Variants in DPYS observed in about 807,000 individuals in gnomAD.
DPYS encodes dihydropyrimidine amidohydrolase.
A neutral mutation model predicts 50.3 loss-of-function variants in DPYS; 39 were observed. The observed-to-expected ratio is 0.78, with a 90% CI of 0.60 to 1.01. The LOEUF is 1.01. Among genes scored for constraint, DPYS ranks in the 50% least tolerant of loss-of-function variants. The pLI, the probability that DPYS is intolerant of heterozygous loss-of-function variation, is 0.00. For synonymous variants in DPYS, 245 were observed against 250.7 expected (o/e 0.98, Z 0.22); for missense variants, 659 against 680.9 (o/e 0.97, Z 0.36).
At chr8:104,408,168 A>G (rs1221515973) in intron 7 of DPYS, among the ~76,000 whole-genome samples, 1 of 152,268 alleles carries the variant, frequency 6.6e-6, no homozygotes, top group African/African-American at 2.4e-5. Flanking sequence ...TCTCTTTGTT[A>G]TAAATATGAT....
intron 3 of DPYS, among the ~76,000 whole-genome samples, chr8:104,445,913 C>T (rs557966043): frequency 5.9e-5 from 9 of 152,048 alleles, no homozygotes; most frequent in Non-Finnish European, 1.2e-4. Flanking sequence ...GGCGTGGTGG[C>T]GGGCACCTGT....
intron 1 of DPYS, among the ~76,000 whole-genome samples, chr8:104,464,625 A>C (rs992101519): frequency 1.1e-4 from 16 of 152,352 alleles, no homozygotes; most frequent in African/African-American, 2.9e-4. Context: ...CTATGACTGA[A>C]AACTGCAAGT....
chr8:104,399,396 T>C (rs1811713177), intron 7 of DPYS, among the ~76,000 whole-genome samples: 1 of 151,636 alleles, frequency 6.6e-6, no homozygotes, highest in Non-Finnish European at 1.5e-5. Context: ...CATAGGGTGC[T>C]GTGACACTGA....
chr8:104,428,269 A>C, intron 5 of DPYS, 148 bp from the exon 6 acceptor site: 1 of 1,036,552 alleles, frequency 9.6e-7, no homozygotes, highest in Non-Finnish European at 1.5e-6. Context: ...TCAAGAACAT[A>C]TTTCATCCCT....
At chr8:104,435,107 G>A (rs1813091365) in intron 4 of DPYS, among the ~76,000 whole-genome samples, 1 of 152,160 alleles carries the variant, frequency 6.6e-6, no homozygotes, top group African/African-American at 2.4e-5. Flanking sequence ...TTCCTAAAAA[G>A]CCATTAATGA....
At chr8:104,402,775 G>C (rs1011127647) in intron 7 of DPYS, among the ~76,000 whole-genome samples, 1 of 152,184 alleles carries the variant, frequency 6.6e-6, no homozygotes, top group African/African-American at 2.4e-5. Flanking sequence ...TTAAGAGACA[G>C]GACTAGCTGG....
intron 8 of DPYS, 28 bp from the exon 9 acceptor site, chr8:104,381,342 T>C (rs1811029623): frequency 1.9e-6 from 3 of 1,596,102 alleles, no homozygotes; most frequent in Admixed American, 1.7e-5. Flanking sequence ...ATTTCTCTCT[T>C]GTGGTTTATT....
chr8:104,430,003 C>T (rs1317456710), intron 4 of DPYS, among the ~76,000 whole-genome samples: 1 of 152,068 alleles, frequency 6.6e-6, no homozygotes, highest in African/African-American at 2.4e-5. Flanking sequence ...TTCTCCAAAA[C>T]CCTACCAGAT....
At chr8:104,465,189 T>C (rs1445026396) in intron 1 of DPYS, among the ~76,000 whole-genome samples, 5 of 150,040 alleles carry the variant, frequency 3.3e-5, no homozygotes, top group African/African-American at 1.2e-4. Context: ...AATCAGTATA[T>C]GAATGAAGTA....
At chr8:104,399,290 C>CAAAAAAAA (rs11323938) in intron 7 of DPYS, among the ~76,000 whole-genome samples, 2 of 74,888 alleles carry the variant, frequency 2.7e-5, no homozygotes, top group Non-Finnish European at 2.3e-5. Context: ...GACTCCATCT[C>CAAAAAAAA]AAAAAAAAAA....
intron 7 of DPYS, among the ~76,000 whole-genome samples, chr8:104,401,101 C>T (rs933399643): frequency 6.6e-6 from 1 of 152,134 alleles, no homozygotes; most frequent in East Asian, 1.9e-4. Context: ...CCCACTCAGG[C>T]ACTTTGGCCT....
intron 4 of DPYS, among the ~76,000 whole-genome samples, chr8:104,437,371 C>T (rs1005564375): frequency 2.0e-5 from 3 of 152,168 alleles, no homozygotes; most frequent in Non-Finnish European, 1.5e-5. Flanking sequence ...CTGGCCAAAA[C>T]CCACCAAAAC....
chr8:104,452,662 T>C (rs1332911901), intron 1 of DPYS, among the ~76,000 whole-genome samples: 1 of 151,908 alleles, frequency 6.6e-6, no homozygotes, highest in East Asian at 1.9e-4. Flanking sequence ...GGCAACATGG[T>C]GAAAACCCCG....
chr8:104,385,724 T>C (rs1326932977), intron 8 of DPYS, among the ~76,000 whole-genome samples: 1 of 152,246 alleles, frequency 6.6e-6, no homozygotes, highest in Non-Finnish European at 1.5e-5. Context: ...AATGGATTAA[T>C]GCTGTTATCT....
rs947069245 is a variant in DPYS at position 104,460,122 on chromosome 8, G to T, written c.264+6535C>A. Among the ~76,000 whole-genome samples, 4 of 152,074 alleles carry T rather than the reference G, an allele frequency of 2.6e-5. 1 individual carries two copies. The highest frequency in any genetic ancestry group is 4.4e-5 in the Non-Finnish European group (3 of 68,026). On this transcript the variant is annotated intron_variant, in intron 1 of 9. Coordinates refer to ENST00000351513, the MANE Select transcript of DPYS (RefSeq NM_001385.3). ...AGGCCCCCAATTACTAAACATAAGAGGGTAAAGGAAAAGACTTTCCTCCCT... is the reference window on the plus strand; with the variant it reads ...AGGCCCCCAATTACTAAACATAAGATGGTAAAGGAAAAGACTTTCCTCCCT...
intron 8 of DPYS, among the ~76,000 whole-genome samples, chr8:104,381,835 T>G (rs1369494548): frequency 8.0e-6 from 1 of 125,712 alleles, no homozygotes; most frequent in Non-Finnish European, 1.8e-5. Context: ...TGTCAGTGCT[T>G]GAGCAGAGTT....
intron 4 of DPYS, among the ~76,000 whole-genome samples, chr8:104,434,092 A>G (rs964140858): frequency 6.6e-6 from 1 of 152,186 alleles, no homozygotes; most frequent in Non-Finnish European, 1.5e-5. Context: ...AATCAAATAC[A>G]TGTAAGCTAT....
At chr8:104,411,329 A>T (rs1812168906) in intron 7 of DPYS, among the ~76,000 whole-genome samples, 2 of 152,204 alleles carry the variant, frequency 1.3e-5, no homozygotes, top group African/African-American at 4.8e-5. Flanking sequence ...CAATCCTTCT[A>T]CACAGATAAA....
intron 1 of DPYS, among the ~76,000 whole-genome samples, chr8:104,459,871 A>G (rs1031569168): frequency 6.6e-6 from 1 of 152,024 alleles, no homozygotes; most frequent in Non-Finnish European, 1.5e-5. Context: ...TCTAAAAGTC[A>G]TTTGTTTTCC....
Sources: allele counts gnomAD v4.1 joint callset (sites outside exome capture counted in the v4.1 genomes callset), GRCh38; gene constraint gnomAD v4.1.1; transcripts MANE v1.5; gene names NCBI Gene and HGNC (gene_info 2026-07-23, HGNC 2026-07-21).